Variants in FAM228A observed in about 807,000 individuals in gnomAD.
FAM228A encodes protein FAM228A.
Under a neutral mutation model 18.6 loss-of-function variants are expected in FAM228A, and 13 were observed. The ratio of observed to expected loss-of-function variants is 0.70; its 90% CI spans 0.45 to 1.11. FAM228A has a LOEUF of 1.11. Among genes scored for constraint, FAM228A ranks in the 50% least tolerant of loss-of-function variants. The probability of loss-of-function intolerance (pLI) is 0.00; values close to 1 mark genes in which losing one functional copy is unlikely to be tolerated. For synonymous variants in FAM228A, 77 were observed against 86.6 expected, an observed-to-expected ratio of 0.89 and a Z score of 0.61; for missense variants, 240 against 242.2, an observed-to-expected ratio of 0.99 and a Z score of 0.06.
At position 24,191,273 on chromosome 2, in the gene FAM228A, G is replaced by T. The variant is rs532832096; in HGVS notation, c.*642G>T. The T allele has an allele frequency of 6.1e-6, 6 of 985,532 alleles. No individual in the cohort carries two copies. Among genetic ancestry groups the T allele is most frequent in the Non-Finnish European group, 7.2e-6 (6 of 830,124 alleles). The allele number at this position is 985,532 out of a possible 1,614,324, so 61.0% of individuals were successfully genotyped here. A position where few individuals can be genotyped will look rare whatever the true frequency, so the allele number is the denominator to read the frequency against. Reference sequence around the variant, plus strand: ...CTTGGTGGGCCACCGCTCAGCTCAGGACCTGACAGCGTCACTCCCACCCTC... The same window carrying T: ...CTTGGTGGGCCACCGCTCAGCTCAGTACCTGACAGCGTCACTCCCACCCTC... On this transcript the variant is annotated 3_prime_UTR_variant, in exon 6 of 6. Transcript: ENST00000295150.
chr2:24,188,698 G>C, intron 5 of FAM228A: 1 of 959,882 alleles, frequency 1.0e-6, no homozygotes, highest in Non-Finnish European at 1.2e-6. Context: ...AAGAGTTGGA[G>C]ATTGTCAACT....
intron 5 of FAM228A, among the ~76,000 whole-genome samples, chr2:24,188,947 C>T (rs567558112): frequency 1.3e-5 from 2 of 152,264 alleles, no homozygotes; most frequent in East Asian, 3.9e-4. Context: ...TTTGTTTATG[C>T]TTACCCTAGT....
In FAM228A at chr2:24,191,121, T is replaced by C; in HGVS notation, c.*490T>C. On this transcript the variant is annotated 3_prime_UTR_variant, in exon 6 of 6. Transcript: ENST00000295150. ...AGGAATTTTCTGAGTATGGATTTCT[T>C]ATCCAGAGCTCATGGTTCATTTGAC... 1 of 985,758 alleles carries C rather than the reference T, an allele frequency of 1.0e-6. No homozygotes were observed. Among genetic ancestry groups the C allele is most frequent in the Non-Finnish European group, 1.2e-6 (1 of 830,140 alleles). 61.1% of individuals were successfully genotyped at this position (985,758 alleles called of 1,614,324 possible).
intron 5 of FAM228A, among the ~76,000 whole-genome samples, chr2:24,188,925 A>G (rs1400670120): frequency 6.6e-6 from 1 of 152,222 alleles, no homozygotes; most frequent in African/African-American, 2.4e-5. Flanking sequence ...TTGTTGGAAT[A>G]AACAGTGCTA....
At position 24,191,349 on chromosome 2, in the gene FAM228A, C is replaced by T; in HGVS notation, c.*718C>T. 1 of 985,588 alleles carries T rather than the reference C, an allele frequency of 1.0e-6. No individual in the cohort carries two copies. The highest frequency in any genetic ancestry group is 1.2e-6 in the Non-Finnish European group (1 of 830,066). 61.1% of individuals were successfully genotyped at this position (985,588 alleles called of 1,614,324 possible). A position where few individuals can be genotyped will look rare whatever the true frequency, so the allele number is the denominator to read the frequency against. ...CTGCTGCTGCTTTCCAGCCTGTGAG[C>T]CTGGATAGGTATTTTGTGACCCAGC... On this transcript the variant is annotated 3_prime_UTR_variant, in exon 6 of 6. Coordinates refer to ENST00000295150, the MANE Select transcript of FAM228A (RefSeq NM_001040710.3).
At chr2:24,189,733 G>A (rs556414094) in intron 5 of FAM228A, among the ~76,000 whole-genome samples, 18 of 152,292 alleles carry the variant, frequency 1.2e-4, no homozygotes, top group South Asian at 4.1e-4. Context: ...AGGATGCCTC[G>A]TGTGGCTATT....
Position 24,191,081 on chromosome 2 carries a change from G to GATATTTT in FAM228A, c.*450_*451insATATTTT, listed in dbSNP as rs1668073658. 2 of 986,394 alleles carry GATATTTT rather than the reference G, an allele frequency of 2.0e-6. No individual in the cohort carries two copies. Among genetic ancestry groups the GATATTTT allele is most frequent in the African/African-American group, 3.5e-5 (2 of 57,252 alleles). 61.1% of individuals were successfully genotyped at this position (986,394 alleles called of 1,614,324 possible). A position where few individuals can be genotyped will look rare whatever the true frequency, so the allele number is the denominator to read the frequency against. Reference sequence around the variant, plus strand: ...AGATGAGATTTTTTGATATTTAAAAGGTATTTTTATATGTAGGAATTTTCT... The same window carrying GATATTTT: ...AGATGAGATTTTTTGATATTTAAAAGATATTTTGTATTTTTATATGTAGGAATTTTCT... On this transcript the variant is annotated 3_prime_UTR_variant, in exon 6 of 6. Transcript: ENST00000295150.
chr2:24,177,970 C>T (rs1243734323), intron 3 of FAM228A, 100 bp downstream of exon 3: 2 of 734,340 alleles, frequency 2.7e-6, no homozygotes, highest in Non-Finnish European at 4.5e-6. Flanking sequence ...ATCCAAGAGA[C>T]TCATTTTGCA....
intron 2 of FAM228A, 55 bp from the exon 3 acceptor site, chr2:24,177,747 A>G: frequency 1.0e-6 from 1 of 1,002,644 alleles, no homozygotes; most frequent in South Asian, 1.4e-5. Context: ...GAGTTTTGTC[A>G]TTGTAGTTTG....
chr2:24,178,749 G>T (rs1267656959), intron 3 of FAM228A, among the ~76,000 whole-genome samples: 3 of 152,202 alleles, frequency 2.0e-5, no homozygotes, highest in Admixed American at 6.5e-5. Flanking sequence ...TTTTGTCCCA[G>T]ACTTTCCTGA....
intron 5 of FAM228A, among the ~76,000 whole-genome samples, chr2:24,185,477 A>T (rs536111416): frequency 6.6e-6 from 1 of 152,336 alleles, no homozygotes; most frequent in South Asian, 2.1e-4. Flanking sequence ...TAATGGCAAA[A>T]ACCACAATTA....
intron 5 of FAM228A, 138 bp downstream of exon 5, chr2:24,183,783 T>C (rs1667873709): frequency 4.1e-6 from 3 of 729,166 alleles, no homozygotes; most frequent in South Asian, 4.1e-5. Flanking sequence ...CTTTGTATTA[T>C]GAAATATATG....
chr2:24,181,647 AAGTGCTGGGATCAC>A (rs1667818455), intron 3 of FAM228A, among the ~76,000 whole-genome samples: 1 of 152,164 alleles, frequency 6.6e-6, no homozygotes, highest in South Asian at 2.1e-4. Context: ...TGGCTTCCCA[AAGTGCTGGGATCAC>A]AGGTGTGAGC....
In FAM228A at chr2:24,190,923, T is replaced by G. The variant is rs1668069767; in HGVS notation, c.*292T>G. On this transcript the variant is annotated 3_prime_UTR_variant, in exon 6 of 6. Coordinates refer to ENST00000295150, the MANE Select transcript of FAM228A (RefSeq NM_001040710.3). ...TTTCTTCAGCGCCTTCGCCCGGGCC[T>G]TTGCCCTTCTGCCACTTTCCTACCA... 1.8e-6 allele frequency: 2 copies of G among 1,111,994 alleles called. No homozygotes were observed. The highest frequency in any genetic ancestry group is 1.6e-5 in the African/African-American group (1 of 61,846). 68.9% of individuals were successfully genotyped at this position (1,111,994 alleles called of 1,614,324 possible).
chr2:24,176,556 C>T (rs992836005), intron 2 of FAM228A, among the ~76,000 whole-genome samples: 1 of 152,200 alleles, frequency 6.6e-6, no homozygotes, highest in African/African-American at 2.4e-5. Flanking sequence ...AAAGCAAGAT[C>T]CTGTTCCTAT....
At chr2:24,189,508 T>TCAGCC (rs1292329992) in intron 5 of FAM228A, among the ~76,000 whole-genome samples, 1 of 151,548 alleles carries the variant, frequency 6.6e-6, no homozygotes, top group Non-Finnish European at 1.5e-5. Context: ...ACTGGCCCTT[T>TCAGCC]CCTCCATCAG....
At chr2:24,176,527 A>G (rs1573799784) in intron 2 of FAM228A, among the ~76,000 whole-genome samples, 1 of 152,228 alleles carries the variant, frequency 6.6e-6, no homozygotes, top group South Asian at 2.1e-4. Flanking sequence ...TCTTCTTAAA[A>G]TAAGTCTGAG....
chr2:24,184,916 G>A (rs952986536), intron 5 of FAM228A, among the ~76,000 whole-genome samples: 2 of 149,330 alleles, frequency 1.3e-5, no homozygotes, highest in East Asian at 4.1e-4. Context: ...TCTGCCTCCC[G>A]GGTTCAAGTG....
At chr2:24,175,397 C>T (rs1667655102) in intron 1 of FAM228A, 70 bp from the exon 2 acceptor site, 4 of 1,131,988 alleles carry the variant, frequency 3.5e-6, no homozygotes, top group Non-Finnish European at 4.0e-6. Flanking sequence ...TGAACACTCC[C>T]TGAGCCCAAA....
Sources: allele counts gnomAD v4.1 joint callset (sites outside exome capture counted in the v4.1 genomes callset), GRCh38; gene constraint gnomAD v4.1.1; transcripts MANE v1.5; gene names NCBI Gene and HGNC (gene_info 2026-07-23, HGNC 2026-07-21).